LINGO2: variants seen among roughly 807,000 people sequenced by gnomAD.
The protein encoded by LINGO2 is leucine-rich repeat and immunoglobulin-like domain-containing nogo receptor-interacting protein 2.
Under a neutral mutation model 30.6 loss-of-function variants are expected in LINGO2, and 14 were observed. The ratio of observed to expected loss-of-function variants is 0.46; its 90% confidence interval spans 0.30 to 0.72. The LOEUF is 0.72. LINGO2 is among the 30% of genes least tolerant of loss of function. The probability of loss-of-function intolerance (pLI) is 0.07; values close to 1 mark genes in which losing one functional copy is unlikely to be tolerated. For missense variants in LINGO2, 729 were observed against 751.7 expected, an observed-to-expected ratio of 0.97 and a Z score of 0.35; for synonymous variants, 317 against 288.5, an observed-to-expected ratio of 1.10 and a Z score of -1.00.
chr9:28,070,430 T>C (rs1417676750), intron 4 of LINGO2, among the ~76,000 whole-genome samples: 1 of 152,100 alleles, frequency 6.6e-6, no homozygotes, highest in Admixed American at 6.6e-5. Flanking sequence ...CCAACACACA[T>C]AAACATACAT....
rs184702228 is a variant in LINGO2, at chr9:28,236,181, A to G, written c.-87+59027T>C. Reference sequence around the variant, plus strand: ...ACAGGCCATGAGAGAGTGAAATGACATATTTTTAATGTGATGAAAAAAATT... The same window carrying G: ...ACAGGCCATGAGAGAGTGAAATGACGTATTTTTAATGTGATGAAAAAAATT... On this transcript the variant is annotated intron_variant, in intron 4 of 5. Coordinates refer to ENST00000379992, the Ensembl canonical transcript of LINGO2. Among the ~76,000 whole-genome samples, 372 of 152,280 alleles carry G rather than the reference A, an allele frequency of 2.4e-3. 3 individuals are homozygous for G. Among genetic ancestry groups the G allele is most frequent in the African/African-American group, 8.6e-3 (359 of 41,570 alleles).
chr9:29,019,316 C>A, the LINGO2 span, among the ~76,000 whole-genome samples: 2 of 152,108 alleles, frequency 1.3e-5, no homozygotes, highest in African/African-American at 4.8e-5. Context: ...TTCTTCAGGG[C>A]ATGCAGCCAC....
chr9:28,512,587 ATGTG>A (rs372948351), intron 1 of LINGO2, among the ~76,000 whole-genome samples: 3,050 of 110,888 alleles, frequency 0.028, 298 homozygotes, highest in African/African-American at 0.095. Flanking sequence ...CAGGATATAT[ATGTG>A]TGTATATATA....
the LINGO2 span, among the ~76,000 whole-genome samples, chr9:28,785,601 C>G: frequency 6.6e-6 from 1 of 152,096 alleles, no homozygotes; most frequent in Admixed American, 6.6e-5. Context: ...GTCTGACACA[C>G]AGCAGACTCT....
chr9:28,685,642 A>G, the LINGO2 span, among the ~76,000 whole-genome samples: 85 of 152,204 alleles, frequency 5.6e-4, no homozygotes, highest in African/African-American at 2.0e-3. Flanking sequence ...GTCATTTTGG[A>G]GTGGAGAATA....
intron 4 of LINGO2, among the ~76,000 whole-genome samples, chr9:28,059,967 A>T (rs1156786064): frequency 6.6e-6 from 1 of 152,028 alleles, no homozygotes; most frequent in Non-Finnish European, 1.5e-5. Context: ...GCTTCTTACC[A>T]TCTGTGACTA....
At chr9:28,638,756 T>G (rs1014968977) in intron 1 of LINGO2, among the ~76,000 whole-genome samples, 2 of 152,128 alleles carry the variant, frequency 1.3e-5, no homozygotes, top group Non-Finnish European at 2.9e-5. Context: ...TTTGTTGCTC[T>G]TTTCAAAAAA....
chr9:29,125,784 G>A, the LINGO2 span, among the ~76,000 whole-genome samples: 2 of 152,166 alleles, frequency 1.3e-5, no homozygotes, highest in African/African-American at 2.4e-5. Flanking sequence ...CATGTAATGC[G>A]TACATGCTCA....
At chr9:28,838,923 T>C in the LINGO2 span, among the ~76,000 whole-genome samples, 3 of 152,346 alleles carry the variant, frequency 2.0e-5, no homozygotes, top group African/African-American at 7.2e-5. Context: ...ACACCGGCTG[T>C]GGCAGGACAG....
At chr9:29,193,667 G>C in the LINGO2 span, among the ~76,000 whole-genome samples, 1 of 152,134 alleles carries the variant, frequency 6.6e-6, no homozygotes, top group Non-Finnish European at 1.5e-5. Flanking sequence ...TTGGGAAGTG[G>C]CATCTTTACT....
At chr9:28,696,183 T>C in the LINGO2 span, among the ~76,000 whole-genome samples, 1 of 152,066 alleles carries the variant, frequency 6.6e-6, no homozygotes, top group Middle Eastern at 3.4e-3. Flanking sequence ...GTCAGTTGGC[T>C]ATTAAAACAC....
the LINGO2 span, among the ~76,000 whole-genome samples, chr9:28,714,167 A>C: frequency 1.9e-3 from 156 of 83,250 alleles, 1 homozygote; most frequent in African/African-American, 0.011. Flanking sequence ...CTCAAATAAT[A>C]TATATATATA....
chr9:29,194,856 C>G, the LINGO2 span, among the ~76,000 whole-genome samples: 2 of 152,250 alleles, frequency 1.3e-5, no homozygotes, highest in Admixed American at 1.3e-4. Flanking sequence ...AGCTACTCAT[C>G]ATATTCAAAT....
the LINGO2 span, among the ~76,000 whole-genome samples, chr9:28,699,949 C>G: frequency 6.6e-6 from 1 of 152,036 alleles, no homozygotes; most frequent in Non-Finnish European, 1.5e-5. Context: ...CAAGACAATA[C>G]GTGCACTGCT....
At chr9:28,594,829 A>G (rs1021138357) in intron 1 of LINGO2, among the ~76,000 whole-genome samples, 2 of 152,092 alleles carry the variant, frequency 1.3e-5, no homozygotes, top group Admixed American at 6.6e-5. Context: ...ATAGATTCCA[A>G]GTTAAAATCT....
chr9:28,828,292 C>T, the LINGO2 span, among the ~76,000 whole-genome samples: 2 of 151,454 alleles, frequency 1.3e-5, no homozygotes, highest in South Asian at 4.2e-4. Flanking sequence ...TTTAAAAGCA[C>T]AAAATAAAAT....
At chr9:28,080,152 G>T (rs1387647266) in intron 4 of LINGO2, among the ~76,000 whole-genome samples, 1 of 152,178 alleles carries the variant, frequency 6.6e-6, no homozygotes, top group Non-Finnish European at 1.5e-5. Context: ...TGCCTCCCAT[G>T]GGACATGTTC....
intron 4 of LINGO2, among the ~76,000 whole-genome samples, chr9:28,162,999 C>CTAT (rs1215962117): frequency 1.3e-5 from 2 of 152,028 alleles, no homozygotes. Context: ...TTGCAGGAAG[C>CTAT]TATGTGCTGG....
intron 1 of LINGO2, among the ~76,000 whole-genome samples, chr9:28,611,297 A>T (rs1825904345): frequency 6.6e-6 from 1 of 152,148 alleles, no homozygotes; most frequent in Non-Finnish European, 1.5e-5. Flanking sequence ...ACCCTGTGAA[A>T]TCACTACCAT....
Sources: allele counts gnomAD v4.1 joint callset (sites outside exome capture counted in the v4.1 genomes callset), GRCh38; gene constraint gnomAD v4.1.1; transcripts MANE v1.5; gene names NCBI Gene and HGNC (gene_info 2026-07-23, HGNC 2026-07-21).